The following GPHN variants were observed in gnomAD, a reference collection of about 807,000 sequenced individuals.
GPHN encodes the protein gephyrin.
GPHN carries 17 observed loss-of-function variants against 95.5 expected under a neutral mutation model. That is an observed-to-expected ratio of 0.18 (90% CI 0.12 to 0.27). The LOEUF is 0.27. GPHN is among the 10% of genes least tolerant of loss of function. The pLI, the probability that GPHN is intolerant of heterozygous loss-of-function variation, is 1.00. For synonymous variants in GPHN, 320 were observed against 322.5 expected, an observed-to-expected ratio of 0.99 and a Z score of 0.08; for missense variants, 660 against 978.1, an observed-to-expected ratio of 0.67 and a Z score of 4.34.
chr14:66,586,956 A>C (rs567207127), intron 1 of GPHN, among the ~76,000 whole-genome samples: 134 of 152,298 alleles, frequency 8.8e-4, no homozygotes, highest in African/African-American at 2.9e-3. Flanking sequence ...GATGAACAAA[A>C]CAGAATTGAT....
rs1022530089 is a variant in GPHN, at chr14:66,910,686, C to A, written c.390-5317C>A. 5.3e-5 allele frequency among the ~76,000 whole-genome samples: 8 copies of A among 152,062 alleles called. No homozygotes were observed. The South Asian group carries it at 1.7e-3, about 32-fold the overall frequency. ...TGGGTATGCATATATGCATATATAT[C>A]TACATAAACAATATGCACACACATA... On this transcript the variant is annotated intron_variant, in intron 5 of 22. Coordinates refer to ENST00000478722, the MANE Select transcript of GPHN (RefSeq NM_020806.5).
At chr14:66,842,787 C>A in intron 4 of GPHN, 2 of 1,114,830 alleles carry the variant, frequency 1.8e-6, no homozygotes, top group African/African-American at 1.6e-5. Flanking sequence ...TTTCTTTTAT[C>A]ATCATAAAAA....
chr14:66,807,932 G>A (rs1291010022), intron 3 of GPHN, among the ~76,000 whole-genome samples: 1 of 152,196 alleles, frequency 6.6e-6, no homozygotes, highest in Admixed American at 6.5e-5. Flanking sequence ...AAGTTGTGGA[G>A]TATGCAAGTG....
At chr14:67,428,478 T>C in the GPHN span, among the ~76,000 whole-genome samples, 49 of 152,350 alleles carry the variant, frequency 3.2e-4, no homozygotes, top group African/African-American at 9.9e-4. Context: ...GGAGAACTCT[T>C]ACCATTGCAT....
At chr14:66,906,095 G>A (rs1408504313) in intron 5 of GPHN, among the ~76,000 whole-genome samples, 3 of 151,584 alleles carry the variant, frequency 2.0e-5, no homozygotes, top group East Asian at 1.9e-4. Context: ...TACCCTTCTC[G>A]GGTGAGGGAG....
At chr14:66,803,272 C>G (rs1334055268) in intron 3 of GPHN, among the ~76,000 whole-genome samples, 2 of 152,330 alleles carry the variant, frequency 1.3e-5, no homozygotes, top group Non-Finnish European at 2.9e-5. Flanking sequence ...GAAATGCTGT[C>G]TGCACCACAC....
chr14:66,956,560 T>C (rs934881369), intron 8 of GPHN, among the ~76,000 whole-genome samples: 3 of 151,910 alleles, frequency 2.0e-5, no homozygotes, highest in Admixed American at 6.6e-5. Context: ...TTTCCTGACT[T>C]TTTAATGATC....
At chr14:66,973,407 T>C (rs1443781189) in intron 9 of GPHN, among the ~76,000 whole-genome samples, 1 of 152,186 alleles carries the variant, frequency 6.6e-6, no homozygotes, top group African/African-American at 2.4e-5. Context: ...TGCACTTGGA[T>C]AATAACTAAT....
At chr14:67,360,311 A>T in the GPHN span, 2 of 398,416 alleles carry the variant, frequency 5.0e-6, no homozygotes, top group East Asian at 3.6e-5. Flanking sequence ...GCGCTTGCGC[A>T]TGCGAGGAGG....
At chr14:67,579,605 G>C in the GPHN span, 1 of 1,011,624 alleles carries the variant, frequency 9.9e-7, no homozygotes. Flanking sequence ...AACTTGCTTT[G>C]GCCTTTTGTA....
At chr14:66,981,227 C>T (rs1336885076) in intron 9 of GPHN, among the ~76,000 whole-genome samples, 1 of 152,108 alleles carries the variant, frequency 6.6e-6, no homozygotes, top group East Asian at 1.9e-4. Context: ...TCCAGAAACA[C>T]ATTAGCAATT....
rs145249430 is a variant in GPHN at position 66,791,426 on chromosome 14, A to G, written c.201+14905A>G. ...AATAAATAAATAAAATGGCTACCCA[A>G]TGGGCAGAGCAGCAGCATGAGCTGC... On this transcript the variant is annotated intron_variant, in intron 3 of 22. Transcript: ENST00000478722. Among the ~76,000 whole-genome samples the G allele has an allele frequency of 6.8e-4, 103 of 152,364 alleles. 2 individuals carry two copies. In the East Asian group the frequency reaches 0.02, roughly 29 times the overall value.
chr14:67,199,109 C>T, the GPHN span: 232 of 1,231,454 alleles, frequency 1.9e-4, 1 homozygote, highest in East Asian at 4.7e-3. Context: ...CCACTGTGTA[C>T]GTGGGGGGCC....
chr14:67,578,188 TC>T, the GPHN span: 1 of 1,613,540 alleles, frequency 6.2e-7, no homozygotes. This position sits in a 1 kb window ranked among gnomAD's most constrained non-coding sequence, Gnocchi z 5.0. Context: ...TCAGAAGTAC[TC>T]CCTCATGCAG....
chr14:66,676,171 A>G (rs2066576926), intron 1 of GPHN, among the ~76,000 whole-genome samples: 1 of 152,032 alleles, frequency 6.6e-6, no homozygotes, highest in African/African-American at 2.4e-5. Context: ...CTCTTTTGGA[A>G]TCCCCAGTTT....
At chr14:67,564,027 A>G in the GPHN span, among the ~76,000 whole-genome samples, 1 of 151,432 alleles carries the variant, frequency 6.6e-6, no homozygotes, top group Non-Finnish European at 1.5e-5. Context: ...TCAGCCTCCC[A>G]AGTAGCTGGG....
intron 17 of GPHN, among the ~76,000 whole-genome samples, chr14:67,136,483 G>T (rs2080086554): frequency 6.6e-6 from 1 of 152,102 alleles, no homozygotes; most frequent in Non-Finnish European, 1.5e-5. Flanking sequence ...TCAGACTTCT[G>T]GGTCAACCTA....
chr14:66,728,624 G>A (rs1400756654), intron 2 of GPHN, among the ~76,000 whole-genome samples: 1 of 152,194 alleles, frequency 6.6e-6, no homozygotes, highest in Admixed American at 6.5e-5. Context: ...CTTGCGTGGG[G>A]GCTTTAGCCC....
the GPHN span, among the ~76,000 whole-genome samples, chr14:67,233,758 G>C: frequency 6.6e-6 from 1 of 152,204 alleles, no homozygotes; most frequent in Non-Finnish European, 1.5e-5. Flanking sequence ...TAGATAAACA[G>C]GATTTCCTGA....
Sources: allele counts gnomAD v4.1 joint callset (sites outside exome capture counted in the v4.1 genomes callset), GRCh38; gene constraint gnomAD v4.1.1; non-coding constraint Gnocchi (gnomAD v3.1); transcripts MANE v1.5; gene names NCBI Gene and HGNC (gene_info 2026-07-23, HGNC 2026-07-21).